CFAP70: variants seen among roughly 807,000 people sequenced by gnomAD.
CFAP70 encodes the protein cilia and flagella associated protein 70.
CFAP70 carries 81 observed loss-of-function variants against 137.6 expected under a neutral mutation model. The ratio of observed to expected loss-of-function variants is 0.59; its 90% CI spans 0.49 to 0.71. The LOEUF (loss-of-function observed/expected upper bound fraction) is 0.71, where lower values mean the gene tolerates loss of function less well. Ranked by LOEUF, CFAP70 falls within the 30% of genes least tolerant of loss-of-function variation. The pLI, the probability that CFAP70 is intolerant of heterozygous loss-of-function variation, is 0.00. For synonymous variants in CFAP70, 382 were observed against 423.6 expected (o/e 0.90, Z 1.20); for missense variants, 976 against 1,226.7 (o/e 0.80, Z 3.05).
chr10:73,278,707 G>A (rs889519300), intron 19 of CFAP70, among the ~76,000 whole-genome samples: 1 of 151,934 alleles, frequency 6.6e-6, no homozygotes, highest in Non-Finnish European at 1.5e-5. Context: ...GAGGCCGGGC[G>A]CGGTGGCTCA....
intron 9 of CFAP70, among the ~76,000 whole-genome samples, chr10:73,315,468 T>A (rs1159722960): frequency 2.0e-5 from 3 of 152,240 alleles, no homozygotes; most frequent in Admixed American, 1.3e-4. Flanking sequence ...ATATATGTCT[T>A]CGTGTAAATA....
upstream of CFAP70, among the ~76,000 whole-genome samples, chr10:73,359,340 CTG>C (rs1246872928): frequency 1.3e-5 from 2 of 152,224 alleles, no homozygotes; most frequent in African/African-American, 2.4e-5. Context: ...GACCAATAAA[CTG>C]TGGCATATTC....
intron 8 of CFAP70, among the ~76,000 whole-genome samples, chr10:73,327,074 T>C: frequency 6.6e-6 from 1 of 150,688 alleles, no homozygotes; most frequent in African/African-American, 2.5e-5. Context: ...TGAACATTGA[T>C]GCAAAAATCC....
intron 24 of CFAP70, among the ~76,000 whole-genome samples, chr10:73,270,276 T>C (rs897032858): frequency 6.6e-6 from 1 of 152,130 alleles, no homozygotes; most frequent in Non-Finnish European, 1.5e-5. Context: ...CACTCTGGGC[T>C]CTGGGCACGT....
At chr10:73,302,684 TTTTAATGTGCA>T (rs2049039093) in intron 12 of CFAP70, among the ~76,000 whole-genome samples, 1 of 152,162 alleles carries the variant, frequency 6.6e-6, no homozygotes, top group Admixed American at 6.5e-5. Context: ...TTCAGCATAG[TTTTAATGTGCA>T]TTTATTTTAT....
chr10:73,299,877 T>G (rs751141067), intron 12 of CFAP70, among the ~76,000 whole-genome samples: 1 of 151,166 alleles, frequency 6.6e-6, no homozygotes, highest in Non-Finnish European at 1.5e-5. Context: ...AGAAGGGAGG[T>G]GAGGAAGCAG....
At chr10:73,302,200 C>A (rs572790541) in intron 12 of CFAP70, among the ~76,000 whole-genome samples, 43 of 151,994 alleles carry the variant, frequency 2.8e-4, no homozygotes, top group African/African-American at 1.0e-3. Context: ...TAGATAGAAA[C>A]CAAGGAAATA....
At position 73,274,672 on chromosome 10, in the gene CFAP70, A is replaced by C; in HGVS notation, c.2674-78T>G. The C allele has an allele frequency of 2.3e-6, 3 of 1,278,020 alleles. No individual in the cohort carries two copies. In the Admixed American group the frequency reaches 8.1e-5, roughly 34 times the overall value. The allele number at this position is 1,278,020 out of a possible 1,614,324, so 79.2% of individuals were successfully genotyped here. A position where few individuals can be genotyped will look rare whatever the true frequency, so the allele number is the denominator to read the frequency against. ...CCTTGATGATCTTTGTTTAACATTT[A>C]AATTTAGATAGATTGTCCATTTCCT... is the stretch of plus-strand genomic sequence containing the variant. On this transcript the variant is annotated intron_variant, in intron 22 of 26. Coordinates refer to ENST00000310715, the Ensembl canonical transcript of CFAP70.
chr10:73,287,521 TTTA>T (rs1316228141), intron 19 of CFAP70, among the ~76,000 whole-genome samples: 2 of 152,196 alleles, frequency 1.3e-5, no homozygotes, highest in Non-Finnish European at 2.9e-5. Flanking sequence ...TTTTTTCTAT[TTTA>T]TTATTTATTA....
chr10:73,299,766 G>A, intron 12 of CFAP70, 101 bp from the exon 14 acceptor site: 2 of 895,414 alleles, frequency 2.2e-6, no homozygotes, highest in Non-Finnish European at 3.3e-6. Flanking sequence ...GGGTGGGGGA[G>A]ATCTGAGGTC....
chr10:73,351,952 CCT>C (rs2054312382), intron 3 of CFAP70, among the ~76,000 whole-genome samples: 1 of 152,234 alleles, frequency 6.6e-6, no homozygotes, highest in South Asian at 2.1e-4. Context: ...TACTCAGCCT[CCT>C]CTGACACCTG....
chr10:73,293,352 T>C (rs2048311920), exon 16 of CFAP70: 7 of 1,611,068 alleles, frequency 4.3e-6, no homozygotes, highest in Admixed American at 1.7e-5. Context: ...CTTGTATAAA[T>C]GGTTGCAACA....
chr10:73,312,935 C>T (rs927000343), intron 9 of CFAP70, among the ~76,000 whole-genome samples: 5 of 152,140 alleles, frequency 3.3e-5, no homozygotes, highest in African/African-American at 1.2e-4. Flanking sequence ...TAATCTTTGA[C>T]ACAGAATTTC....
intron 9 of CFAP70, among the ~76,000 whole-genome samples, chr10:73,316,499 T>TATATAG (rs2050389561): frequency 2.2e-5 from 3 of 136,166 alleles, no homozygotes; most frequent in African/African-American, 8.5e-5. Flanking sequence ...TATATATATA[T>TATATAG]ATATATATAT....
chr10:73,299,037 C>A, exon 14 of CFAP70: 1 of 1,613,934 alleles, frequency 6.2e-7, no homozygotes, highest in Non-Finnish European at 8.5e-7. Flanking sequence ...TCCAAACATT[C>A]TGTAGTATTC....
intron 7 of CFAP70, among the ~76,000 whole-genome samples, chr10:73,334,052 T>G (rs991704286): frequency 5.9e-5 from 9 of 152,226 alleles, no homozygotes; most frequent in African/African-American, 2.2e-4. Context: ...GATTTTTCTG[T>G]AAATCTAAAG....
chr10:73,361,054 C>T (rs1037792165), upstream of CFAP70, among the ~76,000 whole-genome samples: 31 of 151,220 alleles, frequency 2.0e-4, no homozygotes, highest in South Asian at 6.3e-4. Flanking sequence ...GCTGGAGTGC[C>T]GTGGCGCAAT....
intron 24 of CFAP70, among the ~76,000 whole-genome samples, chr10:73,272,240 C>A (rs954924710): frequency 2.6e-5 from 4 of 152,056 alleles, no homozygotes; most frequent in African/African-American, 9.7e-5. Context: ...GAGGCTGAGG[C>A]AGGAGGATCA....
intron 7 of CFAP70, among the ~76,000 whole-genome samples, chr10:73,334,772 G>A (rs1024976089): frequency 4.0e-5 from 6 of 151,552 alleles, no homozygotes; most frequent in Non-Finnish European, 7.4e-5. Context: ...TAGAGACGGG[G>A]TTTCACCATG....
Sources: gnomAD v4.1 joint callset for allele counts (sites outside exome capture counted in the v4.1 genomes callset) on GRCh38, gnomAD v4.1.1 for gene constraint, MANE v1.5 for transcripts, NCBI Gene and HGNC (gene_info 2026-07-23, HGNC 2026-07-21) for gene names.